LRRC52: variants seen among roughly 807,000 people sequenced by gnomAD.
The protein encoded by LRRC52 is leucine-rich repeat-containing protein 52.
A neutral mutation model predicts 14.7 loss-of-function variants in LRRC52; 15 were observed. That is an observed-to-expected ratio of 1.02 (90% CI 0.68 to 1.58). LRRC52 has a LOEUF of 1.58. Among genes scored for constraint, LRRC52 ranks in the 40% most tolerant of loss-of-function variants. The probability of loss-of-function intolerance (pLI) is 0.00; values close to 1 mark genes in which losing one functional copy is unlikely to be tolerated. For synonymous variants in LRRC52, 180 were observed against 163.9 expected, an observed-to-expected ratio of 1.10 and a Z score of -0.75; for missense variants, 400 against 387.7, an observed-to-expected ratio of 1.03 and a Z score of -0.27.
At chr1:165,553,592 T>A (rs960604177) in intron 1 of LRRC52, among the ~76,000 whole-genome samples, 8 of 151,584 alleles carry the variant, frequency 5.3e-5, no homozygotes, top group Admixed American at 5.2e-4. Context: ...ATGGAAAGAG[T>A]CGATGCAGAG....
Position 165,563,675 on chromosome 1 carries a change from C to T in LRRC52, c.793C>T (p.Leu265Phe). The change falls in exon 2 of 2, where the codon CTC becomes TTC. Residue 265 changes from leucine to phenylalanine, a missense_variant. Coordinates refer to ENST00000294818, the MANE Select transcript of LRRC52 (RefSeq NM_001005214.4). Reference sequence around the variant, plus strand: ...CGCCGCGGGAACTGTGGCTGCCTGGCTCACAGGTGTGTGTGCTGTGCTCTA... The same window carrying T: ...CGCCGCGGGAACTGTGGCTGCCTGGTTCACAGGTGTGTGTGCTGTGCTCTA... ...IFAAGTVAAW[L>F]TGVCAVLYQN... The T allele has an allele frequency of 6.2e-7, 1 of 1,614,178 alleles. No individual in the cohort carries two copies. The highest frequency in any genetic ancestry group is 8.5e-7 in the Non-Finnish European group (1 of 1,180,018).
At chr1:165,554,043 C>T (rs1212950987) in intron 1 of LRRC52, among the ~76,000 whole-genome samples, 1 of 152,134 alleles carries the variant, frequency 6.6e-6, no homozygotes, top group Admixed American at 6.5e-5. Flanking sequence ...CTGTCACTTG[C>T]CGACTACTTG....
Position 165,563,801 on chromosome 1 carries a change from C to A in LRRC52, c.919C>A (p.Gln307Lys), listed in dbSNP as rs768095663. 4 of 1,614,104 alleles carry A rather than the reference C, an allele frequency of 2.5e-6. No individual in the cohort carries two copies. In the South Asian group the frequency reaches 3.3e-5, roughly 13 times the overall value. The part of the protein sequence containing the change: ...RIFQTQTSSV[Q>K]EFPQLI ...TTTTCAAACCCAGACGAGCTCGGTCCAGGAGTTCCCTCAGCTTATTTAGTT... is the reference window on the plus strand; with the variant it reads ...TTTTCAAACCCAGACGAGCTCGGTCAAGGAGTTCCCTCAGCTTATTTAGTT... Residue 307 changes from glutamine (Q) to lysine (K), a missense_variant, in exon 2 of 2, where the codon CAG (glutamine) becomes AAG (lysine). Coordinates refer to ENST00000294818, the MANE Select transcript of LRRC52 (RefSeq NM_001005214.4).
At chr1:165,555,424 G>A (rs998961994) in intron 1 of LRRC52, among the ~76,000 whole-genome samples, 2 of 152,170 alleles carry the variant, frequency 1.3e-5, no homozygotes, top group African/African-American at 4.8e-5. Flanking sequence ...GGGAAGAAAT[G>A]AGATAGAAAA....
chr1:165,544,218 C>CTCCCCCCG lies in LRRC52; in HGVS notation c.-79_-78insTCCCCCCG. On this transcript the variant is annotated 5_prime_UTR_variant, in exon 1 of 2. Transcript: ENST00000294818. ...TCTTTCCAGAGCCCCTCCCCCGCCC[C>CTCCCCCCG]ACCCCCCCACCGGCAGCCTTCGGAT... The CTCCCCCCG allele has an allele frequency of 2.1e-5, 27 of 1,297,868 alleles. No homozygotes were observed. The highest frequency in any genetic ancestry group is 1.1e-4 in the South Asian group (8 of 71,900). The allele number at this position is 1,297,868 out of a possible 1,614,324, so 80.4% of individuals were successfully genotyped here.
Position 165,544,842 on chromosome 1 carries a change from T to G in LRRC52, c.546T>G (p.Ser182Arg). The G allele has an allele frequency of 1.9e-6, 3 of 1,614,032 alleles. No homozygotes were observed. ...CTACTCTGGAGACCCTGTTTCTGAGTGGAAACCCCTGGAAGTGCAACTGCT... is the reference window on the plus strand; with the variant it reads ...CTACTCTGGAGACCCTGTTTCTGAGGGGAAACCCCTGGAAGTGCAACTGCT... ...HLTTLETLFL[S>R]GNPWKCNCSF... The change falls in exon 1 of 2, where the codon AGT becomes AGG. Residue 182 changes from serine (S) to arginine (R), a missense_variant. Physicochemically the swap from Ser to Arg is moderately radical, Grantham distance 110. Coordinates refer to ENST00000294818, the MANE Select transcript of LRRC52 (RefSeq NM_001005214.4).
intron 1 of LRRC52, among the ~76,000 whole-genome samples, chr1:165,545,817 A>G (rs1222009246): frequency 6.6e-6 from 1 of 152,142 alleles, no homozygotes; most frequent in African/African-American, 2.4e-5. Flanking sequence ...GCTTCAGAAA[A>G]ATGAGAAATA....
intron 1 of LRRC52, among the ~76,000 whole-genome samples, chr1:165,555,181 A>G (rs936045126): frequency 1.3e-5 from 2 of 152,258 alleles, no homozygotes; most frequent in Non-Finnish European, 2.9e-5. Context: ...GGAAAATAAG[A>G]GAGGGGAAGA....
At chr1:165,556,519 T>C (rs1661237539) in intron 1 of LRRC52, among the ~76,000 whole-genome samples, 1 of 152,220 alleles carries the variant, frequency 6.6e-6, no homozygotes, top group Admixed American at 6.5e-5. Context: ...AAAAGGCCAA[T>C]AGTAAATATT....
In LRRC52 at chr1:165,545,014, G is replaced by A. The variant is rs1256740907; in HGVS notation, c.622+96G>A. The stretch of plus-strand genomic sequence containing the variant: ...TGGTCAGAATGGGAGAAAAAGTTGG[G>A]TGAAGCTGATTGAATGCATTCTTAT... On this transcript the variant is annotated intron_variant, in intron 1 of 1. Transcript: ENST00000294818. 1.3e-5 allele frequency: 20 copies of A among 1,488,978 alleles called. No individual in the cohort carries two copies. In the Admixed American group the frequency reaches 1.5e-4, roughly 11 times the overall value. The allele number at this position is 1,488,978 out of a possible 1,614,324, so 92.2% of individuals were successfully genotyped here.
intron 1 of LRRC52, among the ~76,000 whole-genome samples, chr1:165,555,515 A>G (rs975960821): frequency 6.6e-6 from 1 of 152,200 alleles, no homozygotes; most frequent in Non-Finnish European, 1.5e-5. Context: ...GAAGTCATGG[A>G]AGGATTTTGA....
Position 165,544,201 on chromosome 1 carries a change from G to GCGCCC in LRRC52, c.-96_-95insCGCCC. ...AGCTAAAGTGTTACAGTTCTTTCCAGAGCCCCTCCCCCGCCCCACCCCCCC... is the reference window on the plus strand; with the variant it reads ...AGCTAAAGTGTTACAGTTCTTTCCAGCGCCCAGCCCCTCCCCCGCCCCACCCCCCC... On this transcript the variant is annotated 5_prime_UTR_variant, in exon 1 of 2. Coordinates refer to ENST00000294818, the MANE Select transcript of LRRC52 (RefSeq NM_001005214.4). The GCGCCC allele has an allele frequency of 1.5e-5, 19 of 1,236,460 alleles. No individual in the cohort carries two copies. Among genetic ancestry groups the GCGCCC allele is most frequent in the Non-Finnish European group, 2.0e-5 (18 of 892,784 alleles). 76.6% of individuals were successfully genotyped at this position (1,236,460 alleles called of 1,614,324 possible).
intron 1 of LRRC52, among the ~76,000 whole-genome samples, chr1:165,546,011 G>A (rs1480037766): frequency 6.6e-6 from 1 of 152,078 alleles, no homozygotes; most frequent in Non-Finnish European, 1.5e-5. Flanking sequence ...TACTGCCCAG[G>A]TGGCAATATG....
chr1:165,544,203 G>GCCCCACCC lies in LRRC52; in HGVS notation c.-90_-89insACCCCCCC. ...CTAAAGTGTTACAGTTCTTTCCAGA[G>GCCCCACCC]CCCCTCCCCCGCCCCACCCCCCCAC... On this transcript the variant is annotated 5_prime_UTR_variant, in exon 1 of 2. Coordinates refer to ENST00000294818, the MANE Select transcript of LRRC52 (RefSeq NM_001005214.4). 3 of 1,001,758 alleles carry GCCCCACCC rather than the reference G, an allele frequency of 3.0e-6. No individual in the cohort carries two copies. Among genetic ancestry groups the GCCCCACCC allele is most frequent in the Non-Finnish European group, 4.2e-6 (3 of 706,268 alleles). The allele number at this position is 1,001,758 out of a possible 1,614,324, so 62.1% of individuals were successfully genotyped here.
chr1:165,552,461 G>A (rs192372467), intron 1 of LRRC52, among the ~76,000 whole-genome samples: 85 of 152,264 alleles, frequency 5.6e-4, no homozygotes, highest in African/African-American at 2.0e-3. Flanking sequence ...TGGTTTTCTG[G>A]GGAACATGCA....
intron 1 of LRRC52, among the ~76,000 whole-genome samples, chr1:165,562,266 G>A (rs1320260970): frequency 6.6e-6 from 1 of 152,140 alleles, no homozygotes; most frequent in African/African-American, 2.4e-5. Context: ...AATTAAATGA[G>A]ATATTTGTAA....
chr1:165,546,108 C>T (rs2013490), intron 1 of LRRC52, among the ~76,000 whole-genome samples: 6,668 of 152,064 alleles, frequency 0.044, 197 homozygotes, highest in Admixed American at 0.081. Context: ...AAAAACGTGC[C>T]CTCCTGGCTT....
At chr1:165,556,500 A>C (rs1206684017) in intron 1 of LRRC52, among the ~76,000 whole-genome samples, 1 of 152,244 alleles carries the variant, frequency 6.6e-6, no homozygotes, top group African/African-American at 2.4e-5. Flanking sequence ...GTCAGCACAC[A>C]CTTTCCAGAA....
At chr1:165,555,695 A>G (rs574239980) in intron 1 of LRRC52, among the ~76,000 whole-genome samples, 55 of 152,352 alleles carry the variant, frequency 3.6e-4, no homozygotes, top group Non-Finnish European at 6.5e-4. Context: ...GGTAAGAATC[A>G]GGATACATTT....
Sources: gnomAD v4.1 joint callset for allele counts (sites outside exome capture counted in the v4.1 genomes callset) on GRCh38, gnomAD v4.1.1 for gene constraint, MANE v1.5 for transcripts, NCBI Gene and HGNC (gene_info 2026-07-23, HGNC 2026-07-21) for gene names.